The following SLC18B1 variants were observed in gnomAD, a reference collection of about 807,000 sequenced individuals.
SLC18B1 encodes the protein MFS-type transporter SLC18B1.
Under a neutral mutation model 53.9 loss-of-function variants are expected in SLC18B1, and 62 were observed. The ratio of observed to expected loss-of-function variants is 1.15; its 90% CI spans 0.94 to 1.42. The LOEUF (loss-of-function observed/expected upper bound fraction) is 1.42, where lower values mean the gene tolerates loss of function less well. SLC18B1 is among the 40% of genes most tolerant of loss of function. The pLI, the probability that SLC18B1 is intolerant of heterozygous loss-of-function variation, is 0.00. For synonymous variants in SLC18B1, 217 were observed against 200.9 expected (o/e 1.08, Z -0.68); for missense variants, 598 against 547.3 (o/e 1.09, Z -0.93).
chr6:132,792,290 AGGAAGGAAGGAAGGAAG>A (rs1781558808), intron 2 of SLC18B1, among the ~76,000 whole-genome samples: 2 of 74,588 alleles, frequency 2.7e-5, no homozygotes, highest in African/African-American at 8.4e-5. Flanking sequence ...AAAGGAAGAA[AGGAAGGAAGGAAGGAAG>A]GAAGGAAGGA....
chr6:132,773,492 G>T (rs1781028258), intron 9 of SLC18B1, among the ~76,000 whole-genome samples: 1 of 152,184 alleles, frequency 6.6e-6, no homozygotes, highest in African/African-American at 2.4e-5. Context: ...AGAGGTAAAA[G>T]AAGAGTCAGG....
chr6:132,796,722 C>T (rs1044558482), intron 2 of SLC18B1, among the ~76,000 whole-genome samples: 2 of 151,964 alleles, frequency 1.3e-5, no homozygotes, highest in Non-Finnish European at 2.9e-5. Context: ...AATCAGACTA[C>T]ATGGTAAGAA....
At chr6:132,779,549 C>A in intron 6 of SLC18B1, 145 bp from the exon 7 acceptor site, 1 of 802,094 alleles carries the variant, frequency 1.2e-6, no homozygotes. Flanking sequence ...TGTATACCAT[C>A]TATACTTGCA....
intron 2 of SLC18B1, among the ~76,000 whole-genome samples, chr6:132,796,138 G>A (rs1251958038): frequency 1.3e-5 from 2 of 150,880 alleles, no homozygotes; most frequent in East Asian, 2.0e-4. Context: ...CATGAGGTCA[G>A]GAGATGGAGA....
At chr6:132,773,344 A>G (rs1461122259) in intron 9 of SLC18B1, among the ~76,000 whole-genome samples, 5 of 152,102 alleles carry the variant, frequency 3.3e-5, no homozygotes, top group African/African-American at 9.7e-5. Context: ...GGTTACACAT[A>G]TCACATATCT....
chr6:132,787,676 C>A (rs1323308207), intron 4 of SLC18B1, 95 bp from the exon 5 acceptor site: 2 of 1,121,248 alleles, frequency 1.8e-6, no homozygotes, highest in Non-Finnish European at 2.4e-6. Flanking sequence ...TAGTACCTCA[C>A]TCATGGTTTT....
chr6:132,798,247 C>G lies in SLC18B1; in HGVS notation c.43+167G>C, dbSNP rs148153634. 4.5e-3 allele frequency among the ~76,000 whole-genome samples: 680 copies of G among 152,310 alleles called. 3 individuals are homozygous for G. The highest frequency in any genetic ancestry group is 6.8e-3 in the Middle Eastern group (2 of 294). On this transcript the variant is annotated intron_variant, in intron 1 of 13. Coordinates refer to ENST00000275227, the MANE Select transcript of SLC18B1 (RefSeq NM_052831.3). ...CACATATCCAATCCTGGAACTTTACCCCGTCCAGAGAGAAAAGAAACGCTG... is the reference window on the plus strand; with the variant it reads ...CACATATCCAATCCTGGAACTTTACGCCGTCCAGAGAGAAAAGAAACGCTG...
intron 10 of SLC18B1, among the ~76,000 whole-genome samples, chr6:132,772,603 G>A (rs993368154): frequency 2.6e-5 from 4 of 152,102 alleles, no homozygotes; most frequent in African/African-American, 9.7e-5. Context: ...AGTACTTAGT[G>A]TTCTTCATCA....
intron 5 of SLC18B1, among the ~76,000 whole-genome samples, chr6:132,784,614 G>A (rs1173480893): frequency 2.6e-5 from 4 of 152,116 alleles, no homozygotes; most frequent in East Asian, 1.9e-4. Context: ...TATCTCTATC[G>A]AACACTCTAT....
intron 2 of SLC18B1, among the ~76,000 whole-genome samples, chr6:132,792,469 A>G (rs1781576392): frequency 6.6e-6 from 1 of 152,046 alleles, no homozygotes; most frequent in Admixed American, 6.6e-5. Context: ...TCTGATAAGT[A>G]TTTAATTTAG....
chr6:132,784,132 T>C, intron 5 of SLC18B1, 43 bp from the exon 6 acceptor site: 2 of 1,491,242 alleles, frequency 1.3e-6, no homozygotes, highest in Non-Finnish European at 1.8e-6. Flanking sequence ...ATATTTCATT[T>C]GAAGAATTAA....
intron 6 of SLC18B1, among the ~76,000 whole-genome samples, chr6:132,782,506 G>T (rs576284689): frequency 6.6e-6 from 1 of 151,640 alleles, no homozygotes; most frequent in South Asian, 2.1e-4. Flanking sequence ...GAACTTACTG[G>T]ATTTAAAGAT....
At position 132,779,263 on chromosome 6, in the gene SLC18B1, C is replaced by G; in HGVS notation, c.795+5G>C. 6.2e-7 allele frequency: 1 copy of G among 1,613,734 alleles called. No homozygotes were observed. Among genetic ancestry groups the G allele is most frequent in the South Asian group, 1.1e-5 (1 of 91,064 alleles). ...GCAGCACTCTTCAGCAATCAGGTAA[C>G]TTACCTTCTCCAAAACAAAGAGAGA... On this transcript the variant is annotated splice_donor_5th_base_variant and intron_variant, in intron 7 of 13. Transcript: ENST00000275227.
rs1489500047 is a variant in SLC18B1 at position 132,776,336 on chromosome 6, T to C, written c.889A>G (p.Lys297Glu). ...SSPLFGLLSD[K>E]RPPLRKWLLV... is the part of the protein sequence containing the mutation. ...AAATTAAGTGTACGTACTGGCCTTT[T>C]ATCACTTAGGAGACCAAATAGTGGT... is the stretch of plus-strand genomic sequence containing the variant. The change falls in exon 8 of 14, where the codon AAA becomes GAA. Residue 297 changes from lysine (K) to glutamate (E), a missense_variant. Lys to Glu is a moderately conservative substitution (Grantham distance 56, BLOSUM62 1). Transcript: ENST00000275227. The C allele has an allele frequency of 6.2e-7, 1 of 1,612,034 alleles. No homozygotes were observed. Among genetic ancestry groups the C allele is most frequent in the African/African-American group, 1.3e-5 (1 of 74,824 alleles).
intron 2 of SLC18B1, among the ~76,000 whole-genome samples, chr6:132,795,558 T>C (rs1328083853): frequency 1.3e-5 from 2 of 152,232 alleles, no homozygotes; most frequent in African/African-American, 4.8e-5. Context: ...GAAGCCACTT[T>C]ATCTTCTTTT....
In SLC18B1 at chr6:132,776,420, G is replaced by A; in HGVS notation, c.805C>T (p.Pro269Ser). 6.2e-7 allele frequency: 1 copy of A among 1,612,298 alleles called. No individual in the cohort carries two copies. The highest frequency in any genetic ancestry group is 8.5e-7 in the Non-Finnish European group (1 of 1,179,016). ...SLFVLEKFNL[P>S]AGYVGLVFLG... is the part of the protein sequence containing the mutation. ...AATACTAGTCCCACATATCCAGCTGGTAAATTGAACTGTAAAAGAAATCCT... is the reference window on the plus strand; with the variant it reads ...AATACTAGTCCCACATATCCAGCTGATAAATTGAACTGTAAAAGAAATCCT... The change falls in exon 8 of 14, where the codon CCA (proline) becomes TCA (serine). Residue 269 changes from proline (P) to serine (S), a missense_variant. Transcript: ENST00000275227.
rs1366049430 is a variant in SLC18B1 at position 132,773,054 on chromosome 6, T to G, written c.1024A>C (p.Ser342Arg). Residue 342 changes from serine to arginine, a missense_variant, in exon 10 of 14, where the codon AGT (serine) becomes CGT (arginine). Ser to Arg is a moderately radical substitution (Grantham distance 110). Transcript: ENST00000275227. Reference sequence around the variant, plus strand: ...ATACTCATTCCAGCAGAGAGGCCACTTACAACTAATATCAGCACCAGCAGC... The same window carrying G: ...ATACTCATTCCAGCAGAGAGGCCACGTACAACTAATATCAGCACCAGCAGC... ...LWLLVLILVV[S>R]GLSAGMSIIP... The G allele has an allele frequency of 1.9e-6, 3 of 1,613,954 alleles. No individual in the cohort carries two copies. Among genetic ancestry groups the G allele is most frequent in the Non-Finnish European group, 2.5e-6 (3 of 1,179,872 alleles).
intron 2 of SLC18B1, among the ~76,000 whole-genome samples, chr6:132,793,668 T>C (rs1397976516): frequency 6.6e-6 from 1 of 152,138 alleles, no homozygotes; most frequent in Non-Finnish European, 1.5e-5. Flanking sequence ...TAAGATAACA[T>C]CTAACAGGGT....
In SLC18B1 at chr6:132,770,322, T is replaced by G; in HGVS notation, c.1319A>C (p.Asn440Thr). The G allele has an allele frequency of 6.2e-7, 1 of 1,613,466 alleles. No individual in the cohort carries two copies. Among genetic ancestry groups the G allele is most frequent in the Non-Finnish European group, 8.5e-7 (1 of 1,179,404 alleles). ...TCGTTCCTCCTCTGTGCTGAGGATG[T>G]TTTGAGATTTAGACCTACATTGAGG... ...YSRRKRSKSQ[N>T]ILSTEEERTT... Residue 440 changes from asparagine (N) to threonine (T), a missense_variant, in exon 14 of 14, where the codon AAC (asparagine) becomes ACC (threonine). Physicochemically the swap from Asn to Thr is moderately conservative, Grantham distance 65. Transcript: ENST00000275227.
Sources: gnomAD v4.1 joint callset for allele counts (sites outside exome capture counted in the v4.1 genomes callset) on GRCh38, gnomAD v4.1.1 for gene constraint, MANE v1.5 for transcripts, NCBI Gene and HGNC (gene_info 2026-07-23, HGNC 2026-07-21) for gene names.